HS3ST4: variants seen among roughly 807,000 people sequenced by gnomAD.
HS3ST4 encodes heparan sulfate-glucosamine 3-sulfotransferase 4.
HS3ST4 carries 17 observed loss-of-function variants against 29.2 expected under a neutral mutation model. That is an observed-to-expected ratio of 0.58 (90% CI 0.40 to 0.87). The LOEUF is 0.87. Ranked by LOEUF, HS3ST4 falls within the 40% of genes least tolerant of loss-of-function variation. The probability of loss-of-function intolerance (pLI) is 0.00; values close to 1 mark genes in which losing one functional copy is unlikely to be tolerated. For synonymous variants in HS3ST4, 314 were observed against 285.7 expected (o/e 1.10, Z -1.00); for missense variants, 627 against 634.5 (o/e 0.99, Z 0.13).
intron 1 of HS3ST4, among the ~76,000 whole-genome samples, chr16:25,740,441 G>C (rs1023312584): frequency 3.3e-5 from 5 of 152,098 alleles, no homozygotes; most frequent in African/African-American, 1.2e-4. Flanking sequence ...CAGTTTCTTG[G>C]ATGCACTGAG....
intron 1 of HS3ST4, among the ~76,000 whole-genome samples, chr16:25,945,007 G>A (rs970497720): frequency 6.6e-6 from 1 of 151,950 alleles, no homozygotes; most frequent in Admixed American, 6.6e-5. Flanking sequence ...TATCCTCTGT[G>A]GAAAACAAAA....
At chr16:25,749,027 G>T (rs1966702151) in intron 1 of HS3ST4, among the ~76,000 whole-genome samples, 1 of 152,194 alleles carries the variant, frequency 6.6e-6, no homozygotes, top group African/African-American at 2.4e-5. Flanking sequence ...TAAAACAGGA[G>T]AGGTAGGAAA....
intron 1 of HS3ST4, among the ~76,000 whole-genome samples, chr16:26,013,307 T>A (rs1475255645): frequency 6.6e-6 from 1 of 152,162 alleles, no homozygotes; most frequent in Non-Finnish European, 1.5e-5. Flanking sequence ...TTTTACCACT[T>A]AAGAGCTGTG....
intron 1 of HS3ST4, among the ~76,000 whole-genome samples, chr16:26,086,065 TG>T (rs2141786052): frequency 6.6e-6 from 1 of 152,204 alleles, no homozygotes; most frequent in African/African-American, 2.4e-5. Context: ...TCATGAGCAT[TG>T]AATGCAATTT....
intron 1 of HS3ST4, among the ~76,000 whole-genome samples, chr16:25,775,445 C>G (rs1036961732): frequency 2.6e-5 from 4 of 152,208 alleles, no homozygotes; most frequent in African/African-American, 4.8e-5. Flanking sequence ...ATTCGAGCAT[C>G]TCACCTAACC....
intron 1 of HS3ST4, among the ~76,000 whole-genome samples, chr16:25,999,890 A>AT (rs1461451333): frequency 1.3e-3 from 155 of 120,658 alleles, no homozygotes; most frequent in African/African-American, 4.8e-3. Context: ...TATTATATAT[A>AT]TATATTTTAT....
At chr16:26,028,248 G>A (rs1969495679) in intron 1 of HS3ST4, among the ~76,000 whole-genome samples, 1 of 145,480 alleles carries the variant, frequency 6.9e-6, no homozygotes, top group South Asian at 2.2e-4. Flanking sequence ...ACTCTAGCCT[G>A]GGTGACAGAG....
rs1297278155 is a variant in HS3ST4, at chr16:26,013,428, C to G, written c.735-122184C>G. Reference sequence around the variant, plus strand: ...AGGTTGTTATGAGGAGCAAATAAAGCAATTAATATAAAATATATGGTCAGC... The same window carrying G: ...AGGTTGTTATGAGGAGCAAATAAAGGAATTAATATAAAATATATGGTCAGC... On this transcript the variant is annotated intron_variant, in intron 1 of 1. Transcript: ENST00000331351. 6.9e-4 allele frequency among the ~76,000 whole-genome samples: 105 copies of G among 152,014 alleles called. 1 individual carries two copies. Among genetic ancestry groups the G allele is most frequent in the Non-Finnish European group, 2.2e-4 (15 of 68,014 alleles).
intron 1 of HS3ST4, among the ~76,000 whole-genome samples, chr16:26,122,572 G>A (rs1338757175): frequency 6.6e-6 from 1 of 152,210 alleles, no homozygotes; most frequent in Non-Finnish European, 1.5e-5. Flanking sequence ...CCAAATGCTT[G>A]CGCACCTCAG....
intron 1 of HS3ST4, among the ~76,000 whole-genome samples, chr16:26,085,204 G>T (rs1020499843): frequency 1.3e-5 from 2 of 152,134 alleles, no homozygotes; most frequent in Non-Finnish European, 2.9e-5. Flanking sequence ...ATGCTTCCTA[G>T]CAACTCTGTA....
intron 1 of HS3ST4, among the ~76,000 whole-genome samples, chr16:25,957,316 G>A (rs941889108): frequency 1.3e-5 from 2 of 152,232 alleles, no homozygotes; most frequent in African/African-American, 4.8e-5. Flanking sequence ...GAAAATAGTT[G>A]CATGTGATTC....
intron 1 of HS3ST4, among the ~76,000 whole-genome samples, chr16:26,117,168 C>T (rs1034722854): frequency 6.6e-6 from 1 of 152,176 alleles, no homozygotes; most frequent in Non-Finnish European, 1.5e-5. Flanking sequence ...CTAAGGAATT[C>T]GAATGTGCCT....
At chr16:26,056,496 C>G (rs1898409737) in intron 1 of HS3ST4, among the ~76,000 whole-genome samples, 1 of 152,186 alleles carries the variant, frequency 6.6e-6, no homozygotes, top group Non-Finnish European at 1.5e-5. Flanking sequence ...CAGTCAGGAG[C>G]AGGGGGCACA....
At chr16:25,809,790 G>A (rs923129717) in intron 1 of HS3ST4, among the ~76,000 whole-genome samples, 12 of 152,018 alleles carry the variant, frequency 7.9e-5, no homozygotes, top group African/African-American at 2.7e-4. Context: ...AGTTGTTCAT[G>A]GTATTTCTCT....
intron 1 of HS3ST4, among the ~76,000 whole-genome samples, chr16:25,813,026 A>G (rs1967057592): frequency 6.6e-6 from 1 of 152,230 alleles, no homozygotes; most frequent in Non-Finnish European, 1.5e-5. Context: ...CTAGATAAAC[A>G]ACACTCACAG....
chr16:25,838,446 G>A (rs1596586922), intron 1 of HS3ST4, among the ~76,000 whole-genome samples: 1 of 152,262 alleles, frequency 6.6e-6, no homozygotes, highest in African/African-American at 2.4e-5. Flanking sequence ...CAGCTCTCAA[G>A]GAGCTCAGTC....
intron 1 of HS3ST4, among the ~76,000 whole-genome samples, chr16:26,004,502 C>T (rs572360585): frequency 1.8e-4 from 27 of 152,202 alleles, no homozygotes; most frequent in South Asian, 4.2e-4. Flanking sequence ...ATGAAATCTA[C>T]GGAAAAACAT....
At chr16:25,828,301 C>CTTTCTTTCTTTCTTTCTCT in intron 1 of HS3ST4, among the ~76,000 whole-genome samples, 1 of 32,882 alleles carries the variant, frequency 3.0e-5, no homozygotes, top group Non-Finnish European at 5.5e-5. Context: ...TCTTTCTTTC[C>CTTTCTTTCTTTCTTTCTCT]CTCTCTCTCT....
intron 1 of HS3ST4, among the ~76,000 whole-genome samples, chr16:25,700,914 A>C (rs1966330117): frequency 6.6e-6 from 1 of 152,238 alleles, no homozygotes. Context: ...ATATACAAGG[A>C]AACAAAGCAA....
Sources: gnomAD v4.1 joint callset for allele counts (sites outside exome capture counted in the v4.1 genomes callset) on GRCh38, gnomAD v4.1.1 for gene constraint, MANE v1.5 for transcripts, NCBI Gene and HGNC (gene_info 2026-07-23, HGNC 2026-07-21) for gene names.